Variants in SNX29 observed in about 807,000 individuals in gnomAD.
SNX29 encodes the protein sorting nexin-29.
SNX29 carries 78 observed loss-of-function variants against 102.1 expected under a neutral mutation model. That is an observed-to-expected ratio of 0.76 (90% confidence interval 0.64 to 0.92). The LOEUF (loss-of-function observed/expected upper bound fraction) is 0.92. Among genes scored for constraint, SNX29 ranks in the 40% least tolerant of loss-of-function variants. The pLI, the probability that SNX29 is intolerant of heterozygous loss-of-function variation, is 0.00. For synonymous variants in SNX29, 580 were observed against 414.5 expected (o/e 1.40, Z -4.85); for missense variants, 1,280 against 1,061.7 (o/e 1.21, Z -2.86).
At chr16:12,004,518 A>T (rs2151029827) in intron 3 of SNX29, among the ~76,000 whole-genome samples, 1 of 152,186 alleles carries the variant, frequency 6.6e-6, no homozygotes, top group South Asian at 2.1e-4. Context: ...GTCAGAGCTG[A>T]TCCTTGCTCT....
intron 13 of SNX29, among the ~76,000 whole-genome samples, chr16:12,177,541 A>G (rs115029985): frequency 2.8e-4 from 43 of 152,298 alleles, no homozygotes; most frequent in African/African-American, 7.5e-4. Flanking sequence ...GCAGACTGTC[A>G]TATTCTCTCA....
chr16:12,288,678 GAAA>G (rs532173454), intron 15 of SNX29, among the ~76,000 whole-genome samples: 203 of 107,012 alleles, frequency 1.9e-3, no homozygotes, highest in African/African-American at 6.2e-3. Context: ...GACATCTGGG[GAAA>G]AAAAAAAAAA....
intron 18 of SNX29, among the ~76,000 whole-genome samples, chr16:12,407,817 TA>T (rs1012120587): frequency 6.6e-6 from 1 of 152,160 alleles, no homozygotes; most frequent in African/African-American, 2.4e-5. Context: ...TCAAGCTCTT[TA>T]AAAATCCTAA....
chr16:12,194,178 T>C (rs964248796), intron 13 of SNX29, among the ~76,000 whole-genome samples: 12 of 152,214 alleles, frequency 7.9e-5, no homozygotes, highest in African/African-American at 2.7e-4. Context: ...TATTTTGTAG[T>C]TTTCAGCATG....
chr16:12,202,246 CT>C (rs201135915), intron 14 of SNX29, among the ~76,000 whole-genome samples: 1 of 152,008 alleles, frequency 6.6e-6, no homozygotes, highest in African/African-American at 2.4e-5. Context: ...GATTCCCACC[CT>C]TTTTTTTCTC....
At chr16:12,414,335 C>T (rs769309163) in intron 18 of SNX29, among the ~76,000 whole-genome samples, 3 of 152,192 alleles carry the variant, frequency 2.0e-5, no homozygotes, top group Non-Finnish European at 4.4e-5. Flanking sequence ...GATCACACCG[C>T]TGCACTCCAG....
chr16:12,380,755 C>T (rs1260587836), intron 16 of SNX29, among the ~76,000 whole-genome samples: 5 of 127,092 alleles, frequency 3.9e-5, no homozygotes, highest in Non-Finnish European at 7.0e-5. Flanking sequence ...ACCCACCATC[C>T]ATCCACCCAC....
At chr16:12,565,032 G>C (rs1246414549) in intron 20 of SNX29, among the ~76,000 whole-genome samples, 1 of 152,084 alleles carries the variant, frequency 6.6e-6, no homozygotes, top group Non-Finnish European at 1.5e-5. Flanking sequence ...CCTGGGATGA[G>C]CCTGGCACTG....
intron 11 of SNX29, among the ~76,000 whole-genome samples, chr16:12,107,900 G>A (rs2053332170): frequency 6.6e-6 from 1 of 152,102 alleles, no homozygotes; most frequent in African/African-American, 2.4e-5. Context: ...TTAAGTGATA[G>A]AATTAGGTAC....
chr16:12,241,259 T>C (rs2078095794), intron 14 of SNX29, among the ~76,000 whole-genome samples: 1 of 152,176 alleles, frequency 6.6e-6, no homozygotes, highest in African/African-American at 2.4e-5. Context: ...TCTCTTAGAA[T>C]TCATTGTTGT....
chr16:11,995,543 C>A (rs1291709718), intron 1 of SNX29, among the ~76,000 whole-genome samples: 1 of 151,030 alleles, frequency 6.6e-6, no homozygotes, highest in East Asian at 1.9e-4. Flanking sequence ...ACAGGTTTTT[C>A]TTTTCTTCCC....
At chr16:12,415,269 A>G (rs191836534) in intron 18 of SNX29, among the ~76,000 whole-genome samples, 27 of 152,338 alleles carry the variant, frequency 1.8e-4, no homozygotes, top group Non-Finnish European at 3.5e-4. Flanking sequence ...CACTGTCCTG[A>G]AGGCTGGGGA....
intron 18 of SNX29, among the ~76,000 whole-genome samples, chr16:12,428,823 C>G (rs966045973): frequency 6.6e-6 from 1 of 152,120 alleles, no homozygotes; most frequent in African/African-American, 2.4e-5. Context: ...CTAGTTAATT[C>G]CAACACATAA....
At chr16:12,147,326 A>G (rs2055105486) in intron 13 of SNX29, among the ~76,000 whole-genome samples, 1 of 152,234 alleles carries the variant, frequency 6.6e-6, no homozygotes, top group Admixed American at 6.5e-5. Flanking sequence ...ATCAAAGGAC[A>G]GAAGCAGGAG....
intron 16 of SNX29, among the ~76,000 whole-genome samples, chr16:12,363,232 G>C (rs1336726474): frequency 1.3e-5 from 2 of 152,352 alleles, no homozygotes; most frequent in South Asian, 4.1e-4. Context: ...CTCAGAGTCA[G>C]ACAGCCAGGG....
intron 20 of SNX29, among the ~76,000 whole-genome samples, chr16:12,565,922 G>C (rs191204409): frequency 6.6e-6 from 1 of 152,090 alleles, no homozygotes; most frequent in Non-Finnish European, 1.5e-5. Context: ...ATCCACCACA[G>C]CCATCTGTCC....
intron 19 of SNX29, among the ~76,000 whole-genome samples, chr16:12,520,954 T>C (rs1197290647): frequency 6.6e-6 from 1 of 152,172 alleles, no homozygotes; most frequent in African/African-American, 2.4e-5. Flanking sequence ...ATCCCAGTAC[T>C]TTGGGACACT....
chr16:12,486,065 G>C (rs539244318), intron 19 of SNX29, among the ~76,000 whole-genome samples: 2 of 152,330 alleles, frequency 1.3e-5, no homozygotes, highest in African/African-American at 4.8e-5. Context: ...GCGTCAGCGA[G>C]GCTGCATTTC....
At chr16:12,293,136 C>A (rs1302194429) in intron 15 of SNX29, among the ~76,000 whole-genome samples, 2 of 152,178 alleles carry the variant, frequency 1.3e-5, no homozygotes, top group African/African-American at 2.4e-5. Context: ...GAGATGCGGT[C>A]TTGCTATGTT....
Sources: allele counts gnomAD v4.1 joint callset (sites outside exome capture counted in the v4.1 genomes callset), GRCh38; gene constraint gnomAD v4.1.1; transcripts MANE v1.5; gene names NCBI Gene and HGNC (gene_info 2026-07-23, HGNC 2026-07-21).